NEB: variants seen among roughly 807,000 people sequenced by gnomAD.
NEB encodes the protein nemaline myopathy type 2.
In NEB, 512 loss-of-function variants were observed where a neutral mutation model predicts 952.2. The ratio of observed to expected loss-of-function variants is 0.54; its 90% CI spans 0.50 to 0.58. NEB has a LOEUF of 0.58. Ranked by LOEUF, NEB falls within the 20% of genes least tolerant of loss-of-function variation. The pLI, the probability that NEB is intolerant of heterozygous loss-of-function variation, is 0.00. For synonymous variants in NEB, 2,900 were observed against 3,149.8 expected, an observed-to-expected ratio of 0.92 and a Z score of 2.66; for missense variants, 8,428 against 9,231.1, an observed-to-expected ratio of 0.91 and a Z score of 3.56.
intron 35 of NEB, 32 bp downstream of exon 35, chr2:151,675,255 G>A (rs534498474): frequency 1.4e-5 from 20 of 1,440,488 alleles, no homozygotes; most frequent in South Asian, 6.1e-5. Context: ...TGTCAGGTCC[G>A]AATTTCACAT....
intron 150 of NEB, 99 bp downstream of exon 150, chr2:151,525,859 A>C (rs760055715): frequency 5.5e-5 from 48 of 875,628 alleles, no homozygotes; most frequent in Non-Finnish European, 8.5e-5. Context: ...GTAAGAGTGA[A>C]GCTACATAAA....
At chr2:151,570,689 C>T in intron 107 of NEB, 88 bp from the exon 108 acceptor site, 2 of 1,204,534 alleles carry the variant, frequency 1.7e-6, no homozygotes. Flanking sequence ...CACAGGGGCA[C>T]AGTTTTGAAG....
chr2:151,643,638 T>C (rs2098916397), intron 57 of NEB, among the ~76,000 whole-genome samples, 180 bp downstream of exon 57: 1 of 152,112 alleles, frequency 6.6e-6, no homozygotes, highest in African/African-American at 2.4e-5. Flanking sequence ...ACCAAAGCAA[T>C]GGGGCTTTGC....
intron 181 of NEB, among the ~76,000 whole-genome samples, chr2:151,487,056 TGC>T (rs2051185425): frequency 1.3e-5 from 2 of 152,232 alleles, no homozygotes; most frequent in East Asian, 3.8e-4. Context: ...TGTGTGTGTG[TGC>T]GCATGTGCGT....
intron 81 of NEB, among the ~76,000 whole-genome samples, chr2:151,609,270 G>T (rs1377990479): frequency 8.5e-5 from 13 of 152,060 alleles, no homozygotes; most frequent in Non-Finnish European, 1.6e-4. Flanking sequence ...TAAAGCACAT[G>T]GGGTTGACGG....
intron 124 of NEB, among the ~76,000 whole-genome samples, 178 bp downstream of exon 124, chr2:151,560,414 C>T (rs1011272737): frequency 6.6e-6 from 1 of 152,168 alleles, no homozygotes; most frequent in African/African-American, 2.4e-5. Flanking sequence ...CAGAGAGAGA[C>T]AGGCAGTGAG....
chr2:151,514,083 T>C (rs1012299080), intron 159 of NEB, among the ~76,000 whole-genome samples: 2 of 152,212 alleles, frequency 1.3e-5, no homozygotes, highest in African/African-American at 4.8e-5. Flanking sequence ...AATCAAATAA[T>C]ATTAGATAAT....
rs762463190 is a variant in NEB at position 151,614,450 on chromosome 2, C to T, written c.11427G>A (p.Glu3809=). Residue 3809 remains glutamate, a synonymous_variant, in exon 77 of 182, where the codon GAG becomes GAA. Transcript: ENST00000397345. ...GGCTGCTGAACTTGGTCTTCCACTTCTCAAACTCCTTCTTGTACTCCCTGT... is the reference window on the plus strand; with the variant it reads ...GGCTGCTGAACTTGGTCTTCCACTTTTCAAACTCCTTCTTGTACTCCCTGT... ...QSDREYKKEF[E]KWKTKFSSPV... is the part of the protein sequence containing the mutation. 1 of 1,613,954 alleles carries T rather than the reference C, an allele frequency of 6.2e-7. No homozygotes were observed. The highest frequency in any genetic ancestry group is 8.5e-7 in the Non-Finnish European group (1 of 1,179,868).
chr2:151,684,325 T>C (rs1398153130), intron 28 of NEB, among the ~76,000 whole-genome samples: 1 of 152,206 alleles, frequency 6.6e-6, no homozygotes, highest in Non-Finnish European at 1.5e-5. Context: ...GAAAAAACCG[T>C]TATAAATATT....
chr2:151,538,014 C>A (rs368334428), intron 139 of NEB, 38 bp from the exon 140 acceptor site: 9 of 1,576,486 alleles, frequency 5.7e-6, no homozygotes, highest in African/African-American at 1.4e-5. Context: ...TAAGTCTTAC[C>A]CAAAGTTAAT....
intron 46 of NEB, among the ~76,000 whole-genome samples, chr2:151,660,270 G>A (rs2099132078): frequency 6.6e-6 from 1 of 152,116 alleles, no homozygotes; most frequent in African/African-American, 2.4e-5. Context: ...TCTTCCCAAA[G>A]ACTAGGATCC....
intron 66 of NEB, 48 bp from the exon 67 acceptor site, chr2:151,630,867 T>C: frequency 6.8e-7 from 1 of 1,463,860 alleles, no homozygotes; most frequent in Non-Finnish European, 9.2e-7. Flanking sequence ...GAAATAGAAA[T>C]GACAAAAAGT....
intron 38 of NEB, among the ~76,000 whole-genome samples, chr2:151,669,721 G>A (rs1239822216): frequency 6.6e-6 from 1 of 152,212 alleles, no homozygotes; most frequent in African/African-American, 2.4e-5. Context: ...CTTTTGTCAA[G>A]TTGATGAGTT....
At position 151,678,073 on chromosome 2, in the gene NEB, G is replaced by A. The variant is rs758590520; in HGVS notation, c.3370C>T (p.Arg1124Trp). 42 of 1,613,632 alleles carry A rather than the reference G, an allele frequency of 2.6e-5. No homozygotes were observed. Among genetic ancestry groups the A allele is most frequent in the East Asian group, 6.7e-5 (3 of 44,882 alleles). The change falls in exon 33 of 182, where the codon CGG (arginine) becomes TGG (tryptophan). Residue 1124 changes from arginine (R) to tryptophan (W), a missense_variant. Arg to Trp is a moderately radical substitution (Grantham distance 101, BLOSUM62 -3). Around this residue, in one of 11 missense-constraint regions of NEB, gnomAD observed 2,851 missense variants for 2,791.5 expected, o/e 1.02. Coordinates refer to ENST00000397345, the MANE Select transcript of NEB (RefSeq NM_001164508.2). ...YMNVAKIQSD[R>W]EYKKDYEKTK... ...TTCTCATAGTCTTTTTTATACTCCCGATCTGATTGTATCTTGGCCACGTTC... is the reference window on the plus strand; with the variant it reads ...TTCTCATAGTCTTTTTTATACTCCCAATCTGATTGTATCTTGGCCACGTTC...
Position 151,695,559 on chromosome 2 carries a change from CAGG to C in NEB, c.1674+16_1674+18del, listed in dbSNP as rs779433837. The stretch of plus-strand genomic sequence containing the variant: ...CAGGTTGTCAGTACATCACATGGTA[CAGG>C]GCATAAGGAACTTACATCACTCAAG... On this transcript the variant is annotated intron_variant, in intron 18 of 181. Transcript: ENST00000397345. 6.3e-6 allele frequency: 10 copies of C among 1,580,288 alleles called. No individual in the cohort carries two copies.
Position 151,562,660 on chromosome 2 carries a change from T to C in NEB, c.18842A>G (p.Glu6281Gly), listed in dbSNP as rs768965998. ...TCGGACGCGTATAACATTGGGTTCT[T>C]CCAGAAGAGACGTCCACTGGTGGAA... is the stretch of plus-strand genomic sequence containing the variant. Reference protein sequence around the residue: ...HYFHQWTSLLEEPNVIRVRNA... With the variant: ...HYFHQWTSLLGEPNVIRVRNA... Residue 6281 changes from glutamate to glycine, a missense_variant, in exon 120 of 182, where the codon GAA becomes GGA. Coordinates refer to ENST00000397345, the MANE Select transcript of NEB (RefSeq NM_001164508.2). 4 of 1,598,878 alleles carry C rather than the reference T, an allele frequency of 2.5e-6. No homozygotes were observed. The East Asian group carries it at 9.0e-5, about 36-fold the overall frequency.
Position 151,710,481 on chromosome 2 carries a change from A to C in NEB, c.880T>G (p.Cys294Gly). 1 of 1,612,504 alleles carries C rather than the reference A, an allele frequency of 6.2e-7. No individual in the cohort carries two copies. Among genetic ancestry groups the C allele is most frequent in the Non-Finnish European group, 8.5e-7 (1 of 1,178,878 alleles). The change falls in exon 11 of 182, where the codon TGC becomes GGC. Residue 294 changes from cysteine to glycine, a missense_variant. Around this residue, in one of 11 missense-constraint regions of NEB, gnomAD observed 2,851 missense variants for 2,791.5 expected, o/e 1.02. Coordinates refer to ENST00000397345, the MANE Select transcript of NEB (RefSeq NM_001164508.2). The part of the protein sequence containing the change: ...KIKGKWSETP[C>G]FEVANARMNA... ...ATTCTGGCATTTGCAACTTCAAAGC[A>C]AGGTGTCTCACTCCATTTGCCTTTG... is the stretch of plus-strand genomic sequence containing the variant.
chr2:151,697,849 G>A (rs577984867), intron 13 of NEB, among the ~76,000 whole-genome samples: 6 of 152,214 alleles, frequency 3.9e-5, no homozygotes, highest in East Asian at 3.9e-4. Flanking sequence ...GGCGGATCAC[G>A]AGGTCAGGAG....
At chr2:151,563,994 C>A in intron 117 of NEB, 64 bp from the exon 118 acceptor site, 1 of 1,213,806 alleles carries the variant, frequency 8.2e-7, no homozygotes, top group Non-Finnish European at 1.2e-6. Context: ...ACCACTAAAA[C>A]AATTGGTCTA....
Sources: allele counts gnomAD v4.1 joint callset (sites outside exome capture counted in the v4.1 genomes callset), GRCh38; gene constraint gnomAD v4.1.1; regional missense constraint gnomAD v4.1.1; transcripts MANE v1.5; gene names NCBI Gene and HGNC (gene_info 2026-07-23, HGNC 2026-07-21).